The following PTGES3L variants were observed in gnomAD, a reference collection of about 807,000 sequenced individuals.
PTGES3L encodes the protein putative protein PTGES3L.
Under a neutral mutation model 25.0 loss-of-function variants are expected in PTGES3L, and 17 were observed. The observed-to-expected ratio is 0.68, with a 90% CI of 0.47 to 1.02. PTGES3L has a LOEUF of 1.02. PTGES3L is among the 50% of genes least tolerant of loss of function. PTGES3L has a pLI of 0.00. For synonymous variants in PTGES3L, 59 were observed against 65.7 expected, an observed-to-expected ratio of 0.90 and a Z score of 0.50; for missense variants, 202 against 197.5, an observed-to-expected ratio of 1.02 and a Z score of -0.14.
At chr17:42,979,771 G>T in intron 1 of PTGES3L, 108 bp from the exon 2 acceptor site, 1 of 1,474,278 alleles carries the variant, frequency 6.8e-7, no homozygotes, top group South Asian at 1.2e-5. Context: ...TTTCAAAGTG[G>T]AGCTAAATGA....
intron 6 of PTGES3L, among the ~76,000 whole-genome samples, chr17:42,969,853 G>A (rs192738171): frequency 5.3e-5 from 8 of 152,052 alleles, no homozygotes; most frequent in South Asian, 2.1e-4. Flanking sequence ...TGGGCCAGGC[G>A]TGGTGGCTCA....
intron 4 of PTGES3L, among the ~76,000 whole-genome samples, chr17:42,977,663 G>A (rs1268365070): frequency 7.6e-6 from 1 of 130,726 alleles, no homozygotes; most frequent in African/African-American, 3.2e-5. Context: ...GAGGGAGGAA[G>A]GGAGGGAGAG....
chr17:42,979,277 T>C lies in PTGES3L; in HGVS notation c.190-9A>G, dbSNP rs1159894382. 1.2e-5 allele frequency: 20 copies of C among 1,614,084 alleles called. No homozygotes were observed. The highest frequency in any genetic ancestry group is 1.6e-4 in the Middle Eastern group (1 of 6,062). On this transcript the variant is annotated splice_polypyrimidine_tract_variant and intron_variant, in intron 3 of 6. Transcript: ENST00000591916. ...CGCTTATCCTGGGAGTCCTGCCAGATAGAGAGCCTCATTCTTAGGGTCTGG... is the reference window on the plus strand; with the variant it reads ...CGCTTATCCTGGGAGTCCTGCCAGACAGAGAGCCTCATTCTTAGGGTCTGG...
At chr17:42,973,293 C>T (rs1386693563) in intron 4 of PTGES3L, among the ~76,000 whole-genome samples, 6 of 128,758 alleles carry the variant, frequency 4.7e-5, no homozygotes, top group South Asian at 2.5e-4. Flanking sequence ...AGGTGAGGGG[C>T]GCCTCTGCCC....
chr17:42,975,720 A>AG (rs1487832909), intron 4 of PTGES3L, among the ~76,000 whole-genome samples: 2 of 152,126 alleles, frequency 1.3e-5, no homozygotes, highest in Non-Finnish European at 2.9e-5. Context: ...TCTGTCATCC[A>AG]GGCTAGAGTG....
At chr17:42,977,817 A>T (rs1597744119) in intron 4 of PTGES3L, among the ~76,000 whole-genome samples, 1 of 152,238 alleles carries the variant, frequency 6.6e-6, no homozygotes, top group East Asian at 1.9e-4. Flanking sequence ...AGTGGCTCAC[A>T]GCTGTAATCC....
intron 4 of PTGES3L, among the ~76,000 whole-genome samples, chr17:42,978,961 C>G (rs1007398886): frequency 4.6e-5 from 7 of 152,088 alleles, no homozygotes; most frequent in African/African-American, 1.7e-4. Flanking sequence ...GATCACGCCA[C>G]TGCACTCCAG....
chr17:42,974,772 C>CA (rs35782715), intron 4 of PTGES3L, among the ~76,000 whole-genome samples: 5,693 of 120,042 alleles, frequency 0.047, 410 homozygotes, highest in African/African-American at 0.17. Flanking sequence ...GACTCTGTCT[C>CA]AAAAAAAAAA....
rs773525317 is a variant in PTGES3L at position 42,979,629 on chromosome 17, T to C, written c.43A>G (p.Arg15Gly). The change falls in exon 2 of 7, where the codon AGG becomes GGG. Residue 15 changes from arginine to glycine, a missense_variant. By Grantham distance (125) the Arg-to-Gly change is moderately radical. Coordinates refer to ENST00000591916, the MANE Select transcript of PTGES3L (RefSeq NM_001261430.2). ...HARTLWYDRP[R>G]YVFMEFCVED... ...ACACAAAACTCCATGAACACATACC[T>C]GGGCCTGTCGTACCACAAGGTCCGG... is the stretch of plus-strand genomic sequence containing the variant. 6 of 1,613,964 alleles carry C rather than the reference T, an allele frequency of 3.7e-6. No individual in the cohort carries two copies. The highest frequency in any genetic ancestry group is 5.1e-6 in the Non-Finnish European group (6 of 1,180,040).
chr17:42,971,095 T>C (rs1270435488), intron 5 of PTGES3L, among the ~76,000 whole-genome samples: 1 of 149,492 alleles, frequency 6.7e-6, no homozygotes, highest in Non-Finnish European at 1.5e-5. Flanking sequence ...GTCAGGAATT[T>C]GAGACCAGCC....
chr17:42,970,680 A>ACACACACG (rs1440130971), intron 5 of PTGES3L, among the ~76,000 whole-genome samples: 127 of 29,086 alleles, frequency 4.4e-3, no homozygotes, highest in South Asian at 0.04. Context: ...ACACGCGCAC[A>ACACACACG]CACACACACA....
intron 5 of PTGES3L, 116 bp downstream of exon 5, chr17:42,971,491 G>T: frequency 1.9e-6 from 2 of 1,076,524 alleles, no homozygotes; most frequent in Non-Finnish European, 2.8e-6. Flanking sequence ...TGAGTAACCT[G>T]CCTAGAGAGC....
At chr17:42,972,477 C>A (rs542140577) in intron 4 of PTGES3L, among the ~76,000 whole-genome samples, 1 of 151,790 alleles carries the variant, frequency 6.6e-6, no homozygotes, top group African/African-American at 2.4e-5. Context: ...CGATTGCAGG[C>A]ACGCACCGCC....
chr17:42,969,328 T>C (rs1196639430), intron 6 of PTGES3L, 142 bp from the exon 7 acceptor site: 1 of 494,448 alleles, frequency 2.0e-6, no homozygotes, highest in East Asian at 3.1e-5. Context: ...AGGGGGCTAA[T>C]ATGAAAGGTT....
intron 4 of PTGES3L, among the ~76,000 whole-genome samples, chr17:42,975,468 A>G (rs2049937670): frequency 6.6e-6 from 1 of 152,174 alleles, no homozygotes; most frequent in Non-Finnish European, 1.5e-5. Context: ...TGGCTAGAAG[A>G]TAAAGCTTGG....
chr17:42,969,114 C>T lies in PTGES3L; in HGVS notation c.*34G>A. The T allele has an allele frequency of 3.3e-6, 5 of 1,520,566 alleles. No individual in the cohort carries two copies. Among genetic ancestry groups the T allele is most frequent in the Non-Finnish European group, 4.5e-6 (5 of 1,119,782 alleles). The allele number at this position is 1,520,566 out of a possible 1,614,324, so 94.2% of individuals were successfully genotyped here. ...CTTTCTAGAACAACTGGAAAATAGCCACAGCTGCCTTCCCAGCTTTGCGTC... is the reference window on the plus strand; with the variant it reads ...CTTTCTAGAACAACTGGAAAATAGCTACAGCTGCCTTCCCAGCTTTGCGTC... On this transcript the variant is annotated 3_prime_UTR_variant, in exon 7 of 7. Coordinates refer to ENST00000591916, the MANE Select transcript of PTGES3L (RefSeq NM_001261430.2).
rs1216859499 is a variant in PTGES3L, at chr17:42,968,517, CAAG to C, written c.*628_*630del. 1 of 146,514 alleles carries C rather than the reference CAAG, an allele frequency of 6.8e-6. No homozygotes were observed. The highest frequency in any genetic ancestry group is 1.5e-5 in the Non-Finnish European group (1 of 67,114). 9.1% of individuals were successfully genotyped at this position (146,514 alleles called of 1,614,324 possible). A position where few individuals can be genotyped will look rare whatever the true frequency, so the allele number is the denominator to read the frequency against. ...CTGCACTCCAGCCTGGGCGACAGAG[CAAG>C]ACTCCATCTCGGAAAAAAAAAAAAA... On this transcript the variant is annotated 3_prime_UTR_variant, in exon 7 of 7. Transcript: ENST00000591916.
intron 4 of PTGES3L, among the ~76,000 whole-genome samples, chr17:42,972,990 G>A (rs1325707271): frequency 6.7e-6 from 1 of 149,554 alleles, no homozygotes; most frequent in Non-Finnish European, 1.5e-5. Flanking sequence ...TCTGGGATGT[G>A]AGGAGCGCCT....
At position 42,971,786 on chromosome 17, in the gene PTGES3L, G is replaced by C. The variant is rs995293508; in HGVS notation, c.289-90C>G. 7.7e-6 allele frequency: 10 copies of C among 1,304,812 alleles called. No individual in the cohort carries two copies. In the African/African-American group the frequency reaches 1.5e-4, roughly 19 times the overall value. 80.8% of individuals were successfully genotyped at this position (1,304,812 alleles called of 1,614,324 possible). On this transcript the variant is annotated intron_variant, in intron 4 of 6. Coordinates refer to ENST00000591916, the MANE Select transcript of PTGES3L (RefSeq NM_001261430.2). ...TGGGCATATGCATGGGAGCACGCCT[G>C]GGGAAAAGAGGGTCAGTAGGTCCCT...
Sources: allele counts gnomAD v4.1 joint callset (sites outside exome capture counted in the v4.1 genomes callset), GRCh38; gene constraint gnomAD v4.1.1; transcripts MANE v1.5; gene names NCBI Gene and HGNC (gene_info 2026-07-23, HGNC 2026-07-21).